ERICH1: variants seen among roughly 807,000 people sequenced by gnomAD.
The protein encoded by ERICH1 is glutamate rich 1, also known as glutamate-rich protein 1.
Under a neutral mutation model 39.6 loss-of-function variants are expected in ERICH1, and 56 were observed. The ratio of observed to expected loss-of-function variants is 1.41; its 90% CI spans 1.14 to 1.77. The LOEUF (loss-of-function observed/expected upper bound fraction) is 1.77, where lower values mean the gene tolerates loss of function less well. Ranked by LOEUF, ERICH1 falls within the 40% of genes most tolerant of loss-of-function variation. The pLI is 0.00. For synonymous variants in ERICH1, 313 were observed against 223.6 expected (o/e 1.40, Z -3.57); for missense variants, 826 against 575.4 (o/e 1.44, Z -4.45).
At chr8:661,882 G>A (rs1801472420), downstream of ERICH1, among the ~76,000 whole-genome samples, 1 of 152,238 alleles carries the variant, frequency 6.6e-6, no homozygotes, top group Admixed American at 6.5e-5. Flanking sequence ...GGAGTCTACA[G>A]GAATTCTGTG....
At chr8:632,104 T>G (rs1410538301) in intron 3 of ERICH1, among the ~76,000 whole-genome samples, 2 of 152,170 alleles carry the variant, frequency 1.3e-5, no homozygotes, top group Non-Finnish European at 2.9e-5. Context: ...CGAGTCCCAC[T>G]GAAACCTTTG....
Position 664,330 on chromosome 8 carries a change from T to C in ERICH1, c.*273A>G, listed in dbSNP as rs145903545. ...ACATTTAACTTAACAGAATGTCCAT[T>C]TTCAATTTTTACAATAAGTAGAGAA... On this transcript the variant is annotated 3_prime_UTR_variant, in exon 6 of 6. Coordinates refer to ENST00000262109, the MANE Select transcript of ERICH1 (RefSeq NM_207332.3). 2.4e-5 allele frequency: 26 copies of C among 1,097,942 alleles called. 1 individual carries two copies. The African/African-American group carries it at 4.1e-4, about 17-fold the overall frequency. The allele number at this position is 1,097,942 out of a possible 1,614,324, so 68.0% of individuals were successfully genotyped here.
chr8:618,452 C>T (rs112590106), intron 3 of ERICH1, among the ~76,000 whole-genome samples: 2,026 of 152,316 alleles, frequency 0.013, 14 homozygotes, highest in Non-Finnish European at 0.021. Context: ...TCTGTCCTCA[C>T]TGCCCTGTAA....
intron 2 of ERICH1, among the ~76,000 whole-genome samples, chr8:709,557 C>T (rs1814227202): frequency 6.6e-6 from 1 of 152,232 alleles, no homozygotes; most frequent in Admixed American, 6.5e-5. Context: ...CAACTCACAT[C>T]AGTATTTTGA....
chr8:698,642 G>T (rs555200587), intron 2 of ERICH1, among the ~76,000 whole-genome samples: 2 of 152,088 alleles, frequency 1.3e-5, no homozygotes, highest in Non-Finnish European at 2.9e-5. Context: ...TAGAGACAGG[G>T]TCTCACTCTG....
At chr8:660,937 C>T (rs1213707661), downstream of ERICH1, among the ~76,000 whole-genome samples, 1 of 152,170 alleles carries the variant, frequency 6.6e-6, no homozygotes. Context: ...GGTTCTCAGG[C>T]TAGCTCCGGG....
At chr8:674,851 T>C (rs116862353) in intron 3 of ERICH1, among the ~76,000 whole-genome samples, 2 of 152,116 alleles carry the variant, frequency 1.3e-5, no homozygotes, top group East Asian at 1.9e-4. Flanking sequence ...ATAGCATAGG[T>C]TGGTGATGTG....
chr8:730,386 G>A (rs1453581778), intron 1 of ERICH1, among the ~76,000 whole-genome samples: 1 of 152,142 alleles, frequency 6.6e-6, no homozygotes, highest in Non-Finnish European at 1.5e-5. Flanking sequence ...ATGATTATCA[G>A]TTTTAAACAT....
In ERICH1 at chr8:715,942, G is replaced by T. The variant is rs765054581; in HGVS notation, c.88C>A (p.Pro30Thr). The T allele has an allele frequency of 1.9e-6, 3 of 1,613,924 alleles. No individual in the cohort carries two copies. Among genetic ancestry groups the T allele is most frequent in the Non-Finnish European group, 2.5e-6 (3 of 1,179,918 alleles). Residue 30 changes from proline to threonine, a missense_variant, in exon 2 of 6, where the codon CCC becomes ACC. Pro to Thr is a conservative substitution (Grantham distance 38). Coordinates refer to ENST00000262109, the MANE Select transcript of ERICH1 (RefSeq NM_207332.3). ...PVPSGQGKRE[P>T]QTLAVQNPPK... The stretch of plus-strand genomic sequence containing the variant: ...GGATTTTGGACGGCCAGCGTCTGGG[G>T]TTCCCTCTTTCCTTGGCCACTTGGA...
intron 3 of ERICH1, among the ~76,000 whole-genome samples, chr8:617,027 G>T (rs553519129): frequency 6.6e-6 from 1 of 151,384 alleles, no homozygotes; most frequent in South Asian, 2.1e-4. Flanking sequence ...GAAGAAAAAC[G>T]ATTCAGGACC....
rs527373527 is a variant in ERICH1 at position 627,501 on chromosome 8, C to T, written c.977-12217G>A. 9.8e-5 allele frequency among the ~76,000 whole-genome samples: 15 copies of T among 152,354 alleles called. 1 individual carries two copies. Among genetic ancestry groups the T allele is most frequent in the African/African-American group, 3.1e-4 (13 of 41,576 alleles). On this transcript the variant is annotated intron_variant, in intron 3 of 3. Coordinates refer to the ERICH1 transcript ENST00000522706. ...CAGCCTTCTAAGGTACTACATATGA[C>T]CGCCATCATTTTCCACACCAGGCAA... is the stretch of plus-strand genomic sequence containing the variant.
intron 2 of ERICH1, among the ~76,000 whole-genome samples, chr8:698,482 G>T (rs886308703): frequency 1.3e-5 from 2 of 152,120 alleles, no homozygotes; most frequent in African/African-American, 4.8e-5. Flanking sequence ...GCCTCCTAAA[G>T]TGCTGGGATT....
intron 2 of ERICH1, among the ~76,000 whole-genome samples, chr8:693,293 ATACT>A (rs543710184): frequency 1.8e-3 from 279 of 152,368 alleles, no homozygotes; most frequent in African/African-American, 6.1e-3. Context: ...ATCGTGTCAC[ATACT>A]TTATTATTAT....
chr8:634,324 C>G (rs1047763980), intron 3 of ERICH1, among the ~76,000 whole-genome samples: 11 of 152,262 alleles, frequency 7.2e-5, no homozygotes, highest in Admixed American at 1.3e-4. Context: ...AGAAACAAAA[C>G]ACAAAGGCAA....
chr8:621,798 T>G (rs181039310), intron 3 of ERICH1, among the ~76,000 whole-genome samples: 1 of 152,362 alleles, frequency 6.6e-6, no homozygotes, highest in East Asian at 1.9e-4. Context: ...AAAAGGATTA[T>G]AAGTGAATAA....
chr8:653,298 T>C (rs1800206955), intron 3 of ERICH1, among the ~76,000 whole-genome samples: 2 of 152,244 alleles, frequency 1.3e-5, no homozygotes, highest in African/African-American at 2.4e-5. Flanking sequence ...TTTGAGTCCT[T>C]GTGGACGAAC....
In ERICH1 at chr8:634,683, G is replaced by T. The variant is rs573802385; in HGVS notation, c.977-19399C>A. 2.6e-5 allele frequency among the ~76,000 whole-genome samples: 4 copies of T among 152,250 alleles called. No homozygotes were observed. The South Asian group carries it at 8.3e-4, about 32-fold the overall frequency. On this transcript the variant is annotated intron_variant, in intron 3 of 3. Transcript: ENST00000522706. ...CCCCCACGATGGGTGGGGGGCTGCC[G>T]TGGGCACCCACTCAGCTGGTCCCGG...
intron 3 of ERICH1, among the ~76,000 whole-genome samples, chr8:628,496 GCAGCT>G (rs2117080814): frequency 6.6e-6 from 1 of 152,358 alleles, no homozygotes; most frequent in South Asian, 2.1e-4. Context: ...CAGTCCCCAG[GCAGCT>G]GGCGACCTTG....
At chr8:693,817 C>T (rs185635377) in intron 2 of ERICH1, among the ~76,000 whole-genome samples, 224 of 152,150 alleles carry the variant, frequency 1.5e-3, no homozygotes, top group African/African-American at 4.8e-3. Flanking sequence ...GCTACTGGGA[C>T]GTCCCCTGCT....
Sources: gnomAD v4.1 joint callset for allele counts (sites outside exome capture counted in the v4.1 genomes callset) on GRCh38, gnomAD v4.1.1 for gene constraint, MANE v1.5 for transcripts, NCBI Gene and HGNC (gene_info 2026-07-23, HGNC 2026-07-21) for gene names.